Variants in HIVEP1 observed in about 807,000 individuals in gnomAD.
The protein encoded by HIVEP1 is zinc finger protein 40.
Under a neutral mutation model 180.0 loss-of-function variants are expected in HIVEP1, and 36 were observed. That is an observed-to-expected ratio of 0.20 (90% confidence interval 0.15 to 0.26). The LOEUF (loss-of-function observed/expected upper bound fraction) is 0.26, where lower values mean the gene tolerates loss of function less well. Ranked by LOEUF, HIVEP1 falls within the 10% of genes least tolerant of loss-of-function variation. HIVEP1 has a pLI of 1.00. For missense variants in HIVEP1, 3,143 were observed against 3,268.7 expected (o/e 0.96, Z 0.94); for synonymous variants, 1,239 against 1,239.0 (o/e 1.00, Z 0.00).
At chr6:12,054,609 T>A (rs947965187) in intron 2 of HIVEP1, among the ~76,000 whole-genome samples, 3 of 152,240 alleles carry the variant, frequency 2.0e-5, no homozygotes, top group Non-Finnish European at 4.4e-5. Context: ...TAAAATTCCC[T>A]ATAAACATCA....
chr6:12,061,828 C>A (rs1771255365), intron 2 of HIVEP1, among the ~76,000 whole-genome samples: 1 of 151,966 alleles, frequency 6.6e-6, no homozygotes, highest in South Asian at 2.1e-4. Flanking sequence ...AAACACCAAG[C>A]TACAGTTTAA....
the HIVEP1 span, among the ~76,000 whole-genome samples, chr6:12,176,051 C>A: frequency 2.2e-4 from 34 of 152,118 alleles, no homozygotes; most frequent in Admixed American, 2.2e-3. Context: ...TAGTGAGCTG[C>A]CTCTGCATCT....
At chr6:12,166,347 T>A (rs1333335989), downstream of HIVEP1, among the ~76,000 whole-genome samples, 1 of 152,172 alleles carries the variant, frequency 6.6e-6, no homozygotes, top group Non-Finnish European at 1.5e-5. Flanking sequence ...TTTAAAAAAT[T>A]CCTATACTTA....
chr6:12,051,109 A>T (rs1441100625), intron 2 of HIVEP1, among the ~76,000 whole-genome samples: 1 of 148,044 alleles, frequency 6.8e-6, no homozygotes, highest in East Asian at 2.0e-4. Context: ...CCTTTCTCTC[A>T]CAGCGAGAAT....
chr6:12,053,306 T>C (rs1228562730), intron 2 of HIVEP1, among the ~76,000 whole-genome samples: 1 of 152,074 alleles, frequency 6.6e-6, no homozygotes, highest in Non-Finnish European at 1.5e-5. Flanking sequence ...CTTTAAACAT[T>C]GAGATGTCCT....
upstream of HIVEP1, chr6:12,012,078 C>A: frequency 6.8e-6 from 1 of 147,374 alleles, no homozygotes; most frequent in South Asian, 1.8e-4. Context: ...CCGTCCTTCC[C>A]GCCCCGGGCC....
Position 12,083,053 on chromosome 6 carries a change from A to G in HIVEP1, c.41-6131A>G, listed in dbSNP as rs539179316. ...ATAGGTACTTTAGTAATTGGAGAAA[A>G]TATAAATGGTAAAATGAAAACTGCC... On this transcript the variant is annotated intron_variant, in intron 2 of 8. Transcript: ENST00000379388. 1.2e-4 allele frequency among the ~76,000 whole-genome samples: 19 copies of G among 152,232 alleles called. No individual in the cohort carries two copies. In the South Asian group the frequency reaches 3.9e-3, roughly 32 times the overall value.
At chr6:12,039,478 T>C (rs1173107866) in intron 2 of HIVEP1, among the ~76,000 whole-genome samples, 3 of 152,200 alleles carry the variant, frequency 2.0e-5, no homozygotes, top group Non-Finnish European at 4.4e-5. Flanking sequence ...TTAGGTCTAA[T>C]GAAAGTGATA....
chr6:12,171,849 T>A, the HIVEP1 span, among the ~76,000 whole-genome samples: 1 of 152,284 alleles, frequency 6.6e-6, no homozygotes, highest in South Asian at 2.1e-4. Context: ...GACTGCAAGG[T>A]TAAACATTCT....
At chr6:12,185,391 T>G in the HIVEP1 span, among the ~76,000 whole-genome samples, 5 of 152,222 alleles carry the variant, frequency 3.3e-5, no homozygotes, top group African/African-American at 9.6e-5. Flanking sequence ...ATAGGTTCTT[T>G]TGAGTCATTG....
chr6:12,140,883 C>T (rs1758984104), intron 7 of HIVEP1, among the ~76,000 whole-genome samples: 1 of 152,180 alleles, frequency 6.6e-6, no homozygotes, highest in Non-Finnish European at 1.5e-5. Flanking sequence ...AAAACCAAAT[C>T]TACATTTGAT....
intron 7 of HIVEP1, among the ~76,000 whole-genome samples, chr6:12,158,263 C>G (rs1399906345): frequency 6.6e-6 from 1 of 151,998 alleles, no homozygotes; most frequent in Non-Finnish European, 1.5e-5. Context: ...TTCCTAGAGG[C>G]CTTTAGTGTG....
intron 2 of HIVEP1, among the ~76,000 whole-genome samples, chr6:12,016,873 C>A (rs539703504): frequency 3.9e-5 from 6 of 152,288 alleles, no homozygotes; most frequent in African/African-American, 1.4e-4. Context: ...CCTCCAGACC[C>A]AAGGGTACCA....
the HIVEP1 span, among the ~76,000 whole-genome samples, chr6:12,188,844 A>T: frequency 6.6e-6 from 1 of 152,046 alleles, no homozygotes; most frequent in South Asian, 2.1e-4. Context: ...AATTAAGTGA[A>T]CTAATTCTAA....
chr6:12,144,027 CTACTT>C (rs1018588670), intron 7 of HIVEP1, among the ~76,000 whole-genome samples: 4 of 152,188 alleles, frequency 2.6e-5, no homozygotes, highest in Non-Finnish European at 5.9e-5. Flanking sequence ...TGGAAAAAAA[CTACTT>C]TAAAGTTCAT....
At chr6:12,071,163 A>G (rs897879644) in intron 2 of HIVEP1, among the ~76,000 whole-genome samples, 1 of 152,176 alleles carries the variant, frequency 6.6e-6, no homozygotes, top group Non-Finnish European at 1.5e-5. Flanking sequence ...CTCATCCCTA[A>G]TAGACCATTT....
At chr6:12,113,219 G>A (rs1775015090) in intron 3 of HIVEP1, among the ~76,000 whole-genome samples, 1 of 150,622 alleles carries the variant, frequency 6.6e-6, no homozygotes, top group African/African-American at 2.5e-5. Flanking sequence ...GATTATGACT[G>A]TAAAGAAGGG....
At chr6:12,133,502 G>A (rs559617862) in intron 6 of HIVEP1, among the ~76,000 whole-genome samples, 2 of 152,268 alleles carry the variant, frequency 1.3e-5, no homozygotes, top group East Asian at 1.9e-4. Context: ...TCAATATTTT[G>A]TATATTGAAA....
At chr6:12,111,354 T>C (rs1377015903) in intron 3 of HIVEP1, among the ~76,000 whole-genome samples, 1 of 152,250 alleles carries the variant, frequency 6.6e-6, no homozygotes, top group Non-Finnish European at 1.5e-5. Flanking sequence ...TCATTTTCTT[T>C]TGCTGCGTAA....
Sources: allele counts gnomAD v4.1 joint callset (sites outside exome capture counted in the v4.1 genomes callset), GRCh38; gene constraint gnomAD v4.1.1; transcripts MANE v1.5; gene names NCBI Gene and HGNC (gene_info 2026-07-23, HGNC 2026-07-21).